FRMD4A: variants seen among roughly 807,000 people sequenced by gnomAD.
The protein encoded by FRMD4A is FERM domain containing 4A, also known as FERM domain-containing protein 4A.
Under a neutral mutation model 129.1 loss-of-function variants are expected in FRMD4A, and 29 were observed. That is an observed-to-expected ratio of 0.22 (90% CI 0.17 to 0.31). The LOEUF is 0.31. Ranked by LOEUF, FRMD4A falls within the 10% of genes least tolerant of loss-of-function variation. FRMD4A has a pLI of 1.00. For missense variants in FRMD4A, 1,272 were observed against 1,375.8 expected (o/e 0.92, Z 1.19); for synonymous variants, 634 against 571.6 (o/e 1.11, Z -1.56).
chr10:14,050,137 G>A (rs1253157304), intron 2 of FRMD4A, among the ~76,000 whole-genome samples: 1 of 152,170 alleles, frequency 6.6e-6, no homozygotes, highest in East Asian at 1.9e-4. Flanking sequence ...TCTTCTCACT[G>A]AGTTATCGTG....
chr10:13,698,895 T>G (rs2086500658), intron 14 of FRMD4A, among the ~76,000 whole-genome samples: 1 of 152,202 alleles, frequency 6.6e-6, no homozygotes, highest in African/African-American at 2.4e-5. Flanking sequence ...CCAGGCTTCC[T>G]GGGAAATGTT....
chr10:14,207,598 G>C (rs890554255), intron 2 of FRMD4A, among the ~76,000 whole-genome samples: 2 of 151,964 alleles, frequency 1.3e-5, no homozygotes, highest in African/African-American at 4.8e-5. Context: ...TTCTGCAAGA[G>C]TTAAAGAAAA....
At chr10:13,731,984 C>G (rs1487410293) in intron 12 of FRMD4A, among the ~76,000 whole-genome samples, 1 of 152,114 alleles carries the variant, frequency 6.6e-6, no homozygotes. Context: ...ACCCTGCAGG[C>G]AATGAAGCTG....
In FRMD4A at chr10:13,646,160, C is replaced by CTCT. The variant is rs2081103953; in HGVS notation, c.*875_*877dup. ...TGGCATTGGGGCAGTTTTTCAGGCT[C>CTCT]TCTACGGAGAGAGAAGTGGGCCAGT... On this transcript the variant is annotated 3_prime_UTR_variant, in exon 25 of 25. Coordinates refer to ENST00000357447, the MANE Select transcript of FRMD4A (RefSeq NM_018027.5). The CTCT allele has an allele frequency of 6.6e-6, 1 of 152,562 alleles. No homozygotes were observed. The highest frequency in any genetic ancestry group is 1.5e-5 in the Non-Finnish European group (1 of 68,048). The allele number at this position is 152,562 out of a possible 1,614,324, so 9.5% of individuals were successfully genotyped here. A position where few individuals can be genotyped will look rare whatever the true frequency, so the allele number is the denominator to read the frequency against.
At position 13,696,978 on chromosome 10, in the gene FRMD4A, GCC is replaced by G. The variant is rs941593837; in HGVS notation, c.976-2941_976-2940del. On this transcript the variant is annotated intron_variant, in intron 14 of 24. Transcript: ENST00000357447. Reference sequence around the variant, plus strand: ...TTTGCTAACTGAGGTTAGATTGATGGCCCAACCAGATATTTTGGGGACCTCAT... The same window carrying G: ...TTTGCTAACTGAGGTTAGATTGATGGCAACCAGATATTTTGGGGACCTCAT... Among the ~76,000 whole-genome samples, 4 of 152,234 alleles carry G rather than the reference GCC, an allele frequency of 2.6e-5. No homozygotes were observed. In the South Asian group the frequency reaches 8.3e-4, roughly 32 times the overall value.
At chr10:13,808,287 T>C (rs11813129) in intron 4 of FRMD4A, among the ~76,000 whole-genome samples, 19,407 of 152,232 alleles carry the variant, frequency 0.13, 1,332 homozygotes, top group African/African-American at 0.17. Flanking sequence ...TGCATTTTAC[T>C]GTAAAACACA....
At position 14,166,402 on chromosome 10, in the gene FRMD4A, T is replaced by G. The variant is rs376341284; in HGVS notation, c.45+163656A>C. ...GTTTCTAGCTAGTTTACTCTCTCTGTGGAGATACACTGGAAGTAAGTGAAA... is the reference window on the plus strand; with the variant it reads ...GTTTCTAGCTAGTTTACTCTCTCTGGGGAGATACACTGGAAGTAAGTGAAA... On this transcript the variant is annotated intron_variant, in intron 2 of 24. Transcript: ENST00000357447. Among the ~76,000 whole-genome samples the G allele has an allele frequency of 4.1e-4, 63 of 152,350 alleles. No individual in the cohort carries two copies. The South Asian group carries it at 0.013, about 31-fold the overall frequency.
At chr10:14,039,858 G>A (rs1003936686) in intron 2 of FRMD4A, among the ~76,000 whole-genome samples, 1 of 152,106 alleles carries the variant, frequency 6.6e-6, no homozygotes, top group Non-Finnish European at 1.5e-5. Flanking sequence ...GCTGTGTCAC[G>A]GCCGTGCATC....
At chr10:13,772,832 G>A (rs1030612510) in intron 6 of FRMD4A, among the ~76,000 whole-genome samples, 7 of 152,210 alleles carry the variant, frequency 4.6e-5, no homozygotes, top group African/African-American at 1.4e-4. Context: ...GGAGAGGTGG[G>A]GATCGTTAAT....
chr10:13,781,459 C>A (rs2092733763), intron 6 of FRMD4A, among the ~76,000 whole-genome samples: 1 of 141,266 alleles, frequency 7.1e-6, no homozygotes, highest in African/African-American at 2.6e-5. Context: ...CTCACTGTAA[C>A]CTCCACCTCC....
At chr10:13,777,549 T>C (rs1222739331) in intron 6 of FRMD4A, among the ~76,000 whole-genome samples, 2 of 152,124 alleles carry the variant, frequency 1.3e-5, no homozygotes, top group African/African-American at 2.4e-5. Context: ...GCATGTGGGC[T>C]GATGCTGTCG....
intron 2 of FRMD4A, among the ~76,000 whole-genome samples, chr10:13,987,639 G>C (rs7917296): frequency 5.3e-5 from 8 of 151,998 alleles, no homozygotes; most frequent in African/African-American, 1.7e-4. Flanking sequence ...ATTTTGACTC[G>C]TTATAGAAAT....
chr10:13,746,809 C>T (rs932407326), intron 9 of FRMD4A, among the ~76,000 whole-genome samples: 1 of 152,104 alleles, frequency 6.6e-6, no homozygotes, highest in African/African-American at 2.4e-5. Context: ...CTTAGGAACC[C>T]AGTAGGATTT....
chr10:14,066,508 ATG>A (rs561398128), intron 2 of FRMD4A, among the ~76,000 whole-genome samples: 1 of 150,638 alleles, frequency 6.6e-6, no homozygotes, highest in Non-Finnish European at 1.5e-5. Context: ...GTGAAGTTGT[ATG>A]TGTGTGTGTG....
rs866038841 is a variant in FRMD4A, at chr10:13,722,549, T to C, written c.759+15295A>G. On this transcript the variant is annotated intron_variant, in intron 12 of 24. Transcript: ENST00000357447. ...GCATGAGCCACTGTGGCTGGCCTCATTGGGACCCTCTGGTCTTCCCAATCA... is the reference window on the plus strand; with the variant it reads ...GCATGAGCCACTGTGGCTGGCCTCACTGGGACCCTCTGGTCTTCCCAATCA... 4.6e-5 allele frequency among the ~76,000 whole-genome samples: 7 copies of C among 152,074 alleles called. No homozygotes were observed. In the South Asian group the frequency reaches 1.5e-3, roughly 32 times the overall value.
In FRMD4A at chr10:14,132,853, G is replaced by A. The variant is rs202163382; in HGVS notation, c.45+197205C>T. Among the ~76,000 whole-genome samples, 10 of 152,178 alleles carry A rather than the reference G, an allele frequency of 6.6e-5. No homozygotes were observed. In the East Asian group the frequency reaches 1.7e-3, roughly 27 times the overall value. On this transcript the variant is annotated intron_variant, in intron 2 of 24. Transcript: ENST00000357447. ...GAGAAACTATTTTATCCTGCCTTAA[G>A]CATGGTATGCCCCAGGGTGATCTAC... is the stretch of plus-strand genomic sequence containing the variant.
intron 2 of FRMD4A, 96 bp from the exon 3 acceptor site, chr10:13,859,008 T>C (rs1377753689): frequency 2.6e-6 from 2 of 776,792 alleles, no homozygotes; most frequent in South Asian, 1.4e-5. Flanking sequence ...CATATTCCTC[T>C]GGGCAAAACT....
intron 2 of FRMD4A, among the ~76,000 whole-genome samples, chr10:14,065,688 G>A (rs1334717372): frequency 2.0e-5 from 3 of 152,078 alleles, no homozygotes; most frequent in Non-Finnish European, 4.4e-5. Flanking sequence ...CCCATCAGAA[G>A]GGCTGATGTA....
At chr10:14,242,041 G>C (rs886978467) in intron 2 of FRMD4A, among the ~76,000 whole-genome samples, 1 of 152,138 alleles carries the variant, frequency 6.6e-6, no homozygotes, top group African/African-American at 2.4e-5. Flanking sequence ...GCCTGGAGGA[G>C]GACCTGTTGC....
Sources: gnomAD v4.1 joint callset for allele counts (sites outside exome capture counted in the v4.1 genomes callset) on GRCh38, gnomAD v4.1.1 for gene constraint, MANE v1.5 for transcripts, NCBI Gene and HGNC (gene_info 2026-07-23, HGNC 2026-07-21) for gene names.